The following GPC6 variants were observed in gnomAD, a reference collection of about 807,000 sequenced individuals.
GPC6 encodes the protein glypican 6.
In GPC6, 14 loss-of-function variants were observed where a neutral mutation model predicts 55.2. The observed-to-expected ratio is 0.25, with a 90% CI of 0.17 to 0.40. The LOEUF (loss-of-function observed/expected upper bound fraction) is 0.40, where lower values mean the gene tolerates loss of function less well. Among genes scored for constraint, GPC6 ranks in the 10% least tolerant of loss-of-function variants. The probability of loss-of-function intolerance (pLI) is 1.00; values close to 1 mark genes in which losing one functional copy is unlikely to be tolerated. For synonymous variants in GPC6, 278 were observed against 259.6 expected (o/e 1.07, Z -0.68); for missense variants, 641 against 708.5 (o/e 0.90, Z 1.08).
chr13:93,429,943 A>C (rs1203712690), intron 1 of GPC6, among the ~76,000 whole-genome samples: 1 of 152,122 alleles, frequency 6.6e-6, no homozygotes, highest in Non-Finnish European at 1.5e-5. Context: ...TTACGATTTG[A>C]CCAATATGAG....
chr13:93,573,588 C>G (rs977673049), intron 2 of GPC6, among the ~76,000 whole-genome samples: 1 of 151,970 alleles, frequency 6.6e-6, no homozygotes, highest in Non-Finnish European at 1.5e-5. Context: ...TGAACACACA[C>G]CTAGGAAAGC....
intron 2 of GPC6, among the ~76,000 whole-genome samples, chr13:93,627,899 A>G (rs1879271481): frequency 6.6e-6 from 1 of 152,186 alleles, no homozygotes; most frequent in Non-Finnish European, 1.5e-5. Context: ...ATATCTCTCA[A>G]CACATAAATT....
chr13:94,392,293 G>A (rs114296294), intron 7 of GPC6, among the ~76,000 whole-genome samples: 2,069 of 151,746 alleles, frequency 0.014, 43 homozygotes, highest in African/African-American at 0.047. Flanking sequence ...CCAAGTAGCA[G>A]CTGTAATAAT....
chr13:93,892,078 A>T (rs1055740695), intron 3 of GPC6, among the ~76,000 whole-genome samples: 5 of 152,126 alleles, frequency 3.3e-5, no homozygotes, highest in African/African-American at 1.2e-4. Context: ...ATACACATGT[A>T]CACACTACAC....
intron 3 of GPC6, among the ~76,000 whole-genome samples, chr13:93,893,837 G>A (rs965116762): frequency 6.6e-6 from 1 of 151,958 alleles, no homozygotes; most frequent in Non-Finnish European, 1.5e-5. Flanking sequence ...TTCAATTTTA[G>A]CAGTAGAACA....
intron 2 of GPC6, among the ~76,000 whole-genome samples, chr13:93,751,335 T>G (rs1884581630): frequency 6.6e-6 from 1 of 151,978 alleles, no homozygotes; most frequent in Non-Finnish European, 1.5e-5. Flanking sequence ...GTGTTAGTCA[T>G]TAGGTTTAAA....
chr13:93,829,579 A>G (rs533084450), intron 2 of GPC6, among the ~76,000 whole-genome samples: 1 of 152,320 alleles, frequency 6.6e-6, no homozygotes, highest in Non-Finnish European at 1.5e-5. Context: ...AATTATGCTC[A>G]TTATAGCTTT....
At chr13:93,482,353 T>C (rs974793197) in intron 1 of GPC6, among the ~76,000 whole-genome samples, 1 of 152,136 alleles carries the variant, frequency 6.6e-6, no homozygotes, top group Non-Finnish European at 1.5e-5. Flanking sequence ...ACTGGATGCT[T>C]TTTAATTTCT....
intron 4 of GPC6, among the ~76,000 whole-genome samples, chr13:94,068,297 A>G (rs1477303799): frequency 6.6e-6 from 1 of 152,160 alleles, no homozygotes; most frequent in Non-Finnish European, 1.5e-5. Context: ...CTTATTCACT[A>G]TCACAAGAAC....
At chr13:93,330,456 G>C (rs914810078) in intron 1 of GPC6, among the ~76,000 whole-genome samples, 1 of 152,034 alleles carries the variant, frequency 6.6e-6, no homozygotes, top group Non-Finnish European at 1.5e-5. Flanking sequence ...TGAGTGTGGA[G>C]GTTGAGGCTG....
chr13:94,091,930 G>A (rs1385926614), intron 4 of GPC6, among the ~76,000 whole-genome samples: 1 of 151,270 alleles, frequency 6.6e-6, no homozygotes, highest in Non-Finnish European at 1.5e-5. Context: ...GTGTGTGTGT[G>A]TGTATTTTAA....
chr13:94,031,500 C>T (rs1194948865), intron 4 of GPC6, among the ~76,000 whole-genome samples: 1 of 152,154 alleles, frequency 6.6e-6, no homozygotes, highest in African/African-American at 2.4e-5. Flanking sequence ...CCAGAAGAAA[C>T]AGGAGAGTGG....
intron 2 of GPC6, among the ~76,000 whole-genome samples, chr13:93,794,314 T>A (rs1566539129): frequency 6.6e-6 from 1 of 152,192 alleles, no homozygotes; most frequent in Non-Finnish European, 1.5e-5. Context: ...CCTGGGAACT[T>A]GGTAGAAATG....
At position 94,191,609 on chromosome 13, in the gene GPC6, GAAA is replaced by G. The variant is rs111423235; in HGVS notation, c.878-94729_878-94727del. On this transcript the variant is annotated intron_variant, in intron 4 of 8. Transcript: ENST00000377047. ...AGGAAACAAGAAATATCTTAAGCTG[GAAA>G]AAAAAAAAAATAATAGTAGAGGCAA... Among the ~76,000 whole-genome samples the G allele has an allele frequency of 2.2e-4, 31 of 139,000 alleles. 1 individual carries two copies. Among genetic ancestry groups the G allele is most frequent in the African/African-American group, 7.2e-4 (28 of 38,940 alleles). The allele number at this position is 139,000 out of a possible 152,430, so 91.2% of individuals were successfully genotyped here. A position where few individuals can be genotyped will look rare whatever the true frequency, so the allele number is the denominator to read the frequency against.
intron 3 of GPC6, among the ~76,000 whole-genome samples, chr13:93,912,482 G>T (rs2152904): frequency 0.89 from 135,691 of 152,120 alleles, 60,645 homozygotes; most frequent in African/African-American, 0.92. Flanking sequence ...AGTGGCTCAC[G>T]CCTGTAATCC....
At chr13:93,899,130 C>A (rs1041741681) in intron 3 of GPC6, among the ~76,000 whole-genome samples, 1 of 151,678 alleles carries the variant, frequency 6.6e-6, no homozygotes, top group African/African-American at 2.4e-5. Flanking sequence ...TTTATTCCTT[C>A]ACTGTCAGTT....
chr13:94,086,155 T>C (rs1433809247), intron 4 of GPC6, among the ~76,000 whole-genome samples: 3 of 152,244 alleles, frequency 2.0e-5, no homozygotes, highest in Non-Finnish European at 4.4e-5. Flanking sequence ...ACAAAGCTAC[T>C]TACATGCATA....
At chr13:94,346,524 C>A (rs1878296332) in intron 6 of GPC6, among the ~76,000 whole-genome samples, 1 of 151,974 alleles carries the variant, frequency 6.6e-6, no homozygotes, top group African/African-American at 2.4e-5. Context: ...AGTTTGAGAC[C>A]AGCCTGGCCA....
At chr13:93,558,193 C>G (rs766049786) in intron 2 of GPC6, among the ~76,000 whole-genome samples, 2 of 152,102 alleles carry the variant, frequency 1.3e-5, no homozygotes, top group Non-Finnish European at 2.9e-5. Context: ...TGTTTTGAAA[C>G]TACGATATAC....
Sources: gnomAD v4.1 joint callset for allele counts (sites outside exome capture counted in the v4.1 genomes callset) on GRCh38, gnomAD v4.1.1 for gene constraint, MANE v1.5 for transcripts, NCBI Gene and HGNC (gene_info 2026-07-23, HGNC 2026-07-21) for gene names.